Variants in MTUS1 observed in about 807,000 individuals in gnomAD.
The protein encoded by MTUS1 is microtubule associated scaffold protein 1.
A neutral mutation model predicts 120.8 loss-of-function variants in MTUS1; 109 were observed. The observed-to-expected ratio is 0.90, with a 90% CI of 0.77 to 1.06. The LOEUF is 1.06. Ranked by LOEUF, MTUS1 falls within the 50% of genes least tolerant of loss-of-function variation. MTUS1 has a pLI of 0.00. For synonymous variants in MTUS1, 737 were observed against 550.5 expected, an observed-to-expected ratio of 1.34 and a Z score of -4.74; for missense variants, 2,210 against 1,486.3, an observed-to-expected ratio of 1.49 and a Z score of -8.01.
At chr8:17,648,972 G>C (rs1806409152) in intron 13 of MTUS1, among the ~76,000 whole-genome samples, 1 of 152,244 alleles carries the variant, frequency 6.6e-6, no homozygotes, top group African/African-American at 2.4e-5. Flanking sequence ...GACTGACGCT[G>C]AACACTGAAC....
intron 1 of MTUS1, among the ~76,000 whole-genome samples, chr8:17,781,322 T>C (rs2131524677): frequency 6.6e-6 from 1 of 152,362 alleles, no homozygotes; most frequent in South Asian, 2.1e-4. Flanking sequence ...TACCACATTG[T>C]AACCAAAGAG....
chr8:17,786,386 C>G (rs1409906679), intron 1 of MTUS1, among the ~76,000 whole-genome samples: 1 of 152,052 alleles, frequency 6.6e-6, no homozygotes, highest in East Asian at 1.9e-4. Flanking sequence ...GGCACCATCT[C>G]AGATAAAAGC....
At chr8:17,684,076 T>C (rs1815207648) in intron 7 of MTUS1, among the ~76,000 whole-genome samples, 1 of 152,144 alleles carries the variant, frequency 6.6e-6, no homozygotes, top group African/African-American at 2.4e-5. Context: ...AAGAGGCAAT[T>C]ATGTTTTTTG....
At chr8:17,774,212 G>A (rs1358532222) in intron 1 of MTUS1, among the ~76,000 whole-genome samples, 1 of 152,138 alleles carries the variant, frequency 6.6e-6, no homozygotes. Flanking sequence ...CCTCCAATCT[G>A]AAACCCATTT....
intron 2 of MTUS1, among the ~76,000 whole-genome samples, chr8:17,745,781 T>C (rs1399843113): frequency 1.3e-5 from 2 of 152,208 alleles, no homozygotes; most frequent in Admixed American, 6.5e-5. Flanking sequence ...GGTTATTCCT[T>C]TTCTGGGTCC....
chr8:17,755,506 G>C lies in MTUS1; in HGVS notation c.302C>G (p.Ser101Cys). 1.9e-6 allele frequency: 3 copies of C among 1,614,172 alleles called. No individual in the cohort carries two copies. The highest frequency in any genetic ancestry group is 1.1e-5 in the South Asian group (1 of 91,082). ...TACAAGTGCAGGACACTGACAAATA[G>C]AATCTTTATGCATATCTAACACCTG... ...SKQVLDMHKD[S>C]ICQCPALVGT... is the part of the protein sequence containing the mutation. Residue 101 changes from serine to cysteine, a missense_variant, in exon 2 of 15, where the codon TCT becomes TGT. By Grantham distance (112) the Ser-to-Cys change is moderately radical. Coordinates refer to ENST00000693296, the MANE Select transcript of MTUS1 (RefSeq NM_001363059.2).
At position 17,656,629 on chromosome 8, in the gene MTUS1, C is replaced by T. The variant is rs967881401; in HGVS notation, c.2906-564G>A. 7.6e-5 allele frequency among the ~76,000 whole-genome samples: 11 copies of T among 145,004 alleles called. 1 individual carries two copies. Among genetic ancestry groups the T allele is most frequent in the African/African-American group, 2.5e-4 (10 of 39,484 alleles). Reference sequence around the variant, plus strand: ...AAGACCCAGGTTTCTAAGAGAAGATCCCCTCTCATGTGGTGACCAGTCAAT... The same window carrying T: ...AAGACCCAGGTTTCTAAGAGAAGATTCCCTCTCATGTGGTGACCAGTCAAT... On this transcript the variant is annotated intron_variant, in intron 8 of 14. Transcript: ENST00000693296.
chr8:17,652,536 T>A (rs1456589605), intron 12 of MTUS1, among the ~76,000 whole-genome samples: 2 of 151,862 alleles, frequency 1.3e-5, no homozygotes, highest in African/African-American at 4.8e-5. Flanking sequence ...AGGGTTCCTT[T>A]TGGGGGTGAT....
chr8:17,655,858 C>T lies in MTUS1; in HGVS notation c.3108+5G>A. 1.2e-6 allele frequency: 2 copies of T among 1,614,022 alleles called. No homozygotes were observed. Among genetic ancestry groups the T allele is most frequent in the Non-Finnish European group, 1.7e-6 (2 of 1,179,862 alleles). On this transcript the variant is annotated splice_donor_5th_base_variant and intron_variant, in intron 9 of 14. Coordinates refer to ENST00000693296, the MANE Select transcript of MTUS1 (RefSeq NM_001363059.2). Reference sequence around the variant, plus strand: ...CAGACAAGCTCTGGCTGCAAAAGCACAGACCTGCTCTTGCAATTGCATTTT... The same window carrying T: ...CAGACAAGCTCTGGCTGCAAAAGCATAGACCTGCTCTTGCAATTGCATTTT...
At chr8:17,780,158 C>T (rs1563380628) in intron 1 of MTUS1, among the ~76,000 whole-genome samples, 2 of 151,994 alleles carry the variant, frequency 1.3e-5, no homozygotes, top group Non-Finnish European at 1.5e-5. Flanking sequence ...TCTGGGCACA[C>T]TTCCTATGGC....
intron 1 of MTUS1, among the ~76,000 whole-genome samples, chr8:17,767,049 T>A (rs1480432918): frequency 6.6e-6 from 1 of 152,092 alleles, no homozygotes; most frequent in Non-Finnish European, 1.5e-5. Context: ...CCTGTTATCA[T>A]CACATAGTGT....
chr8:17,647,184 G>A (rs764368725), intron 13 of MTUS1, 105 bp from the exon 14 acceptor site: 5 of 806,842 alleles, frequency 6.2e-6, no homozygotes, highest in Non-Finnish European at 1.0e-5. Context: ...TTTAATTAAG[G>A]AAAATGCAAT....
chr8:17,754,191 G>A lies in MTUS1; in HGVS notation c.1617C>T (p.Ala539=). The change falls in exon 2 of 15, where the codon GCC becomes GCT. Residue 539 remains alanine, a synonymous_variant. Coordinates refer to ENST00000693296, the MANE Select transcript of MTUS1 (RefSeq NM_001363059.2). ...KVTPRPQQTS[A]SSPSSVNSRQ... ...TTGAATTCACTGATGAGGGTGATGA[G>A]GCACTGGTCTGCTGAGGTCTGGGCG... 3 of 1,613,994 alleles carry A rather than the reference G, an allele frequency of 1.9e-6. No homozygotes were observed. The highest frequency in any genetic ancestry group is 2.5e-6 in the Non-Finnish European group (3 of 1,180,030).
chr8:17,787,870 C>T (rs2051434246), intron 1 of MTUS1, among the ~76,000 whole-genome samples: 1 of 152,256 alleles, frequency 6.6e-6, no homozygotes, highest in African/African-American at 2.4e-5. Flanking sequence ...ACTGTAATCC[C>T]AGCACTTCGG....
intron 6 of MTUS1, among the ~76,000 whole-genome samples, chr8:17,694,392 G>A (rs537805483): frequency 1.3e-5 from 2 of 152,326 alleles, no homozygotes; most frequent in Non-Finnish European, 2.9e-5. Context: ...TTGGCCAGAC[G>A]TGGTAGCTCA....
chr8:17,789,917 C>T (rs1446648713), intron 1 of MTUS1, among the ~76,000 whole-genome samples: 7 of 152,132 alleles, frequency 4.6e-5, no homozygotes, highest in Admixed American at 4.6e-4. Flanking sequence ...TTTGTGAGGG[C>T]ATTCGTCTCT....
At chr8:17,732,901 C>T (rs1276240938) in intron 3 of MTUS1, among the ~76,000 whole-genome samples, 1 of 152,122 alleles carries the variant, frequency 6.6e-6, no homozygotes, top group Non-Finnish European at 1.5e-5. Context: ...GAAAACATAA[C>T]CTCCTGCTGC....
rs144179719 is a variant in MTUS1 at position 17,761,946 on chromosome 8, T to C, written c.-154-5985A>G. On this transcript the variant is annotated intron_variant, in intron 1 of 14. Transcript: ENST00000693296. The stretch of plus-strand genomic sequence containing the variant: ...CTCCCTTGAATCAAAAAAGATGACA[T>C]TGGCACAACATCTAAGCTATCATTT... Among the ~76,000 whole-genome samples the C allele has an allele frequency of 2.6e-5, 4 of 152,286 alleles. No individual in the cohort carries two copies. The East Asian group carries it at 5.8e-4, about 22-fold the overall frequency.
At chr8:17,782,281 C>G (rs1164173929) in intron 1 of MTUS1, among the ~76,000 whole-genome samples, 2 of 152,076 alleles carry the variant, frequency 1.3e-5, no homozygotes, top group Non-Finnish European at 2.9e-5. Context: ...TCAAAAAAAG[C>G]ACAGCATACC....
Sources: allele counts gnomAD v4.1 joint callset (sites outside exome capture counted in the v4.1 genomes callset), GRCh38; gene constraint gnomAD v4.1.1; transcripts MANE v1.5; gene names NCBI Gene and HGNC (gene_info 2026-07-23, HGNC 2026-07-21).